The following DMD variants were observed in gnomAD, a reference collection of about 807,000 sequenced individuals.
DMD encodes the protein mutant dystrophin.
DMD carries 63 observed loss-of-function variants against 330.1 expected under a neutral mutation model. That is an observed-to-expected ratio of 0.19 (90% CI 0.16 to 0.24). The LOEUF is 0.24. DMD is among the 10% of genes least tolerant of loss of function. The probability of loss-of-function intolerance (pLI) is 1.00; values close to 1 mark genes in which losing one functional copy is unlikely to be tolerated. For missense variants in DMD, 3,344 were observed against 2,684.1 expected (o/e 1.25, Z -5.43); for synonymous variants, 1,223 against 959.8 (o/e 1.27, Z -5.07).
chrX:32,354,064 T>C (rs1289764933), intron 37 of DMD, among the ~76,000 whole-genome samples: 1 of 111,540 alleles, frequency 9.0e-6, no homozygotes, highest in East Asian at 2.8e-4. Flanking sequence ...TTATTAGTTT[T>C]AAAATGTAAG....
chrX:32,882,193 C>A (rs759021856), intron 2 of DMD, among the ~76,000 whole-genome samples: 1 of 111,901 alleles, frequency 8.9e-6, no homozygotes, highest in South Asian at 3.8e-4. Context: ...GCACCAGCCA[C>A]GTAGCAGCCC....
intron 44 of DMD, among the ~76,000 whole-genome samples, chrX:31,974,471 A>T (rs2095421810): frequency 9.0e-6 from 1 of 110,897 alleles, no homozygotes; most frequent in Admixed American, 9.6e-5. Flanking sequence ...GATCAGAAAT[A>T]AAATGCACCT....
At chrX:33,315,938 A>G (rs751967949) in intron 1 of DMD, among the ~76,000 whole-genome samples, 1 of 111,265 alleles carries the variant, frequency 9.0e-6, no homozygotes, top group South Asian at 3.8e-4. Flanking sequence ...GCTTGGAAAC[A>G]TATGTTCCTT....
chrX:32,855,924 GA>G (rs1197635575), intron 2 of DMD, among the ~76,000 whole-genome samples: 5 of 111,110 alleles, frequency 4.5e-5, no homozygotes, highest in Non-Finnish European at 9.4e-5. Context: ...ACCTGACAAG[GA>G]ATAACCAAAA....
intron 44 of DMD, among the ~76,000 whole-genome samples, chrX:32,026,228 G>C (rs930408648): frequency 8.9e-6 from 1 of 112,157 alleles, no homozygotes; most frequent in Non-Finnish European, 1.9e-5. Flanking sequence ...TTCATCAACT[G>C]AGACATTTAT....
At chrX:33,025,392 C>A (rs1274931663) in intron 1 of DMD, among the ~76,000 whole-genome samples, 1 of 110,410 alleles carries the variant, frequency 9.1e-6, no homozygotes, top group African/African-American at 3.3e-5. Flanking sequence ...GAGTTAGGAG[C>A]GAGATGCTGG....
At chrX:32,042,304 G>A (rs771391904) in intron 44 of DMD, among the ~76,000 whole-genome samples, 12 of 108,481 alleles carry the variant, frequency 1.1e-4, no homozygotes, top group Admixed American at 9.0e-4. Flanking sequence ...AGCATGGCTG[G>A]GGAGACCTCA....
chrX:31,141,677 G>C (rs2036073850), intron 76 of DMD, among the ~76,000 whole-genome samples: 1 of 111,051 alleles, frequency 9.0e-6, no homozygotes, highest in Non-Finnish European at 1.9e-5. Context: ...AAATGACTTT[G>C]TATAGATTGG....
intron 61 of DMD, among the ~76,000 whole-genome samples, chrX:31,334,256 T>C (rs900121912): frequency 2.7e-5 from 3 of 112,378 alleles, no homozygotes; most frequent in African/African-American, 6.5e-5. Context: ...CTTATCAGAA[T>C]GGCTAAGTAG....
chrX:31,442,233 T>C (rs977212062), intron 60 of DMD, among the ~76,000 whole-genome samples: 2 of 112,106 alleles, frequency 1.8e-5, no homozygotes, highest in Admixed American at 9.5e-5. Context: ...AAGATTGAAC[T>C]GTATGTGACC....
In DMD at chrX:31,251,750, A is replaced by T. The variant is rs978374776; in HGVS notation, c.9286+9205T>A. ...GTGGGCTTAAAAAAGAAATATTGGAAATGTCTGAATAAGAGCAGACACGTT... is the reference window on the plus strand; with the variant it reads ...GTGGGCTTAAAAAAGAAATATTGGATATGTCTGAATAAGAGCAGACACGTT... On this transcript the variant is annotated intron_variant, in intron 63 of 78. Transcript: ENST00000357033. Among the ~76,000 whole-genome samples the T allele has an allele frequency of 3.4e-4, 38 of 112,406 alleles. 1 individual carries two copies. The highest frequency in any genetic ancestry group is 1.3e-4 in the Non-Finnish European group (7 of 53,313).
intron 7 of DMD, among the ~76,000 whole-genome samples, chrX:32,731,183 C>T (rs749955587): frequency 1.1e-4 from 12 of 112,120 alleles, no homozygotes; most frequent in African/African-American, 1.9e-4. Flanking sequence ...CACACCCACC[C>T]GAATACTGCG....
At chrX:32,802,377 C>G (rs1371836901) in intron 7 of DMD, among the ~76,000 whole-genome samples, 4 of 111,786 alleles carry the variant, frequency 3.6e-5, no homozygotes, top group Non-Finnish European at 7.5e-5. Context: ...GTTGACACTG[C>G]CTATCAGCTT....
intron 7 of DMD, among the ~76,000 whole-genome samples, chrX:32,745,760 C>T (rs1463971333): frequency 1.8e-5 from 2 of 112,151 alleles, no homozygotes. Context: ...AGTAATGAAT[C>T]ATGGTTATTT....
chrX:33,117,733 G>A (rs749140916), intron 1 of DMD, among the ~76,000 whole-genome samples: 1 of 111,074 alleles, frequency 9.0e-6, no homozygotes, highest in Non-Finnish European at 1.9e-5. Context: ...ATTACCTAAC[G>A]TCTGTAATTT....
chrX:32,542,798 C>G lies in DMD; in HGVS notation c.2168+2361G>C, dbSNP rs58184544. Among the ~76,000 whole-genome samples the G allele has an allele frequency of 8.5e-3, 951 of 112,027 alleles. 10 individuals are homozygous for G. The highest frequency in any genetic ancestry group is 0.029 in the African/African-American group (882 of 30,870). On this transcript the variant is annotated intron_variant, in intron 17 of 78. Coordinates refer to ENST00000357033, the MANE Select transcript of DMD (RefSeq NM_004006.3). ...TGTTTGCCTTTTTGCTATCTTCGTT[C>G]AGTCTAAATTTATCAATCAAGTGTC...
chrX:31,661,612 A>G (rs2081129468), intron 53 of DMD, among the ~76,000 whole-genome samples: 1 of 111,808 alleles, frequency 8.9e-6, no homozygotes. Flanking sequence ...TCCATTGACA[A>G]TGGTGTACAC....
At chrX:31,455,877 A>G (rs761793285) in intron 59 of DMD, among the ~76,000 whole-genome samples, 20 of 112,248 alleles carry the variant, frequency 1.8e-4, no homozygotes, top group Non-Finnish European at 3.4e-4. Flanking sequence ...AAATATTTAC[A>G]TATGAAAAGA....
intron 1 of DMD, among the ~76,000 whole-genome samples, chrX:33,070,966 T>C (rs2094745987): frequency 9.1e-6 from 1 of 110,067 alleles, no homozygotes; most frequent in Admixed American, 9.8e-5. Flanking sequence ...AGACATATTG[T>C]AAAGATCTGT....
Sources: gnomAD v4.1 joint callset for allele counts (sites outside exome capture counted in the v4.1 genomes callset) on GRCh38, gnomAD v4.1.1 for gene constraint, MANE v1.5 for transcripts, NCBI Gene and HGNC (gene_info 2026-07-23, HGNC 2026-07-21) for gene names.